DLC1: variants seen among roughly 807,000 people sequenced by gnomAD.
DLC1 encodes the protein rho GTPase-activating protein 7.
Under a neutral mutation model 140.3 loss-of-function variants are expected in DLC1, and 54 were observed. That is an observed-to-expected ratio of 0.38 (90% CI 0.31 to 0.48). The LOEUF (loss-of-function observed/expected upper bound fraction) is 0.48. Among genes scored for constraint, DLC1 ranks in the 20% least tolerant of loss-of-function variants. DLC1 has a pLI of 0.96. For missense variants in DLC1, 2,536 were observed against 1,907.0 expected, an observed-to-expected ratio of 1.33 and a Z score of -6.14; for synonymous variants, 986 against 728.1, an observed-to-expected ratio of 1.35 and a Z score of -5.70.
intron 5 of DLC1, among the ~76,000 whole-genome samples, chr8:13,294,024 G>A (rs1831856327): frequency 6.6e-6 from 1 of 152,190 alleles, no homozygotes. Context: ...GTTTTGTGGA[G>A]TAGAACCAAT....
At chr8:13,518,665 G>A (rs906573695), upstream of DLC1, among the ~76,000 whole-genome samples, 1 of 152,126 alleles carries the variant, frequency 6.6e-6, no homozygotes. Flanking sequence ...GATATTATGC[G>A]TGGAAGTCAG....
At chr8:13,312,386 A>AAAAAAAAAAAAAAATAAT (rs71207139) in intron 4 of DLC1, among the ~76,000 whole-genome samples, 28 of 81,700 alleles carry the variant, frequency 3.4e-4, no homozygotes, top group South Asian at 9.1e-4. Flanking sequence ...AAAAAAAAAA[A>AAAAAAAAAAAAAAATAAT]AATAATTTCT....
chr8:13,249,020 A>T (rs73543903), intron 5 of DLC1, among the ~76,000 whole-genome samples: 35,604 of 152,008 alleles, frequency 0.23, 4,347 homozygotes, highest in South Asian at 0.34. Flanking sequence ...TAGACTCCTC[A>T]CTTTCCATTC....
chr8:13,367,262 A>G (rs1671410), intron 4 of DLC1, among the ~76,000 whole-genome samples: 102,387 of 152,028 alleles, frequency 0.67, 35,123 homozygotes, highest in East Asian at 0.83. Context: ...TGCAGGGTTT[A>G]TAACTCAGGA....
intron 4 of DLC1, among the ~76,000 whole-genome samples, chr8:13,329,739 C>G (rs754102219): frequency 6.6e-6 from 1 of 152,046 alleles, no homozygotes; most frequent in Non-Finnish European, 1.5e-5. Context: ...GAATGTCATG[C>G]CCTGTTTCTC....
intron 2 of DLC1, among the ~76,000 whole-genome samples, chr8:13,453,420 A>ATTTTTTTTTTTTTTTTTTT (rs1218533007): frequency 2.2e-4 from 5 of 22,710 alleles, no homozygotes; most frequent in Admixed American, 5.0e-4. Context: ...ATATATATAT[A>ATTTTTTTTTTTTTTTTTTT]TATGTGTATA....
At chr8:13,374,193 G>A (rs1671419) in intron 4 of DLC1, among the ~76,000 whole-genome samples, 77,643 of 152,036 alleles carry the variant, frequency 0.51, 20,629 homozygotes, top group East Asian at 0.79. Context: ...GTCAGTGGCT[G>A]TGTAGTTTGC....
chr8:13,430,450 G>C (rs930015635), intron 2 of DLC1, among the ~76,000 whole-genome samples: 1 of 152,166 alleles, frequency 6.6e-6, no homozygotes. Flanking sequence ...TTTCATCTGT[G>C]ATGGTTGTCA....
At chr8:13,479,013 G>A (rs1407447345) in intron 2 of DLC1, among the ~76,000 whole-genome samples, 1 of 152,114 alleles carries the variant, frequency 6.6e-6, no homozygotes, top group Non-Finnish European at 1.5e-5. Context: ...TTCAGAAACA[G>A]CTTTTTCACC....
rs1266512754 is a variant in DLC1 at position 13,582,885 on chromosome 8, T to C, written c.-126+21652A>G. ...TTTACAATATACTGTGGTCTATATATATATATATATATATATATATATATA... is the reference window on the plus strand; with the variant it reads ...TTTACAATATACTGTGGTCTATATACATATATATATATATATATATATATA... On this transcript the variant is annotated intron_variant, in intron 1 of 1. Transcript: ENST00000631382. Among the ~76,000 whole-genome samples, 91 of 49,298 alleles carry C rather than the reference T, an allele frequency of 1.8e-3. 1 individual carries two copies. The highest frequency in any genetic ancestry group is 5.5e-3 in the South Asian group (6 of 1,092). 32.3% of individuals were successfully genotyped at this position (49,298 alleles called of 152,430 possible). A position where few individuals can be genotyped will look rare whatever the true frequency, so the allele number is the denominator to read the frequency against.
chr8:13,133,378 G>C lies in DLC1; in HGVS notation c.1349-17721C>G, dbSNP rs1445210695. The C allele has an allele frequency of 9.8e-6, 9 of 913,928 alleles. No homozygotes were observed. The African/African-American group carries it at 1.6e-4, about 16-fold the overall frequency. The allele number at this position is 913,928 out of a possible 1,614,324, so 56.6% of individuals were successfully genotyped here. A position where few individuals can be genotyped will look rare whatever the true frequency, so the allele number is the denominator to read the frequency against. ...GAGCGGGCGGCACCGCCTCCTCCCC[G>C]CTGTCTGGGTCGCAGGCCTTAGCGA... On this transcript the variant is annotated intron_variant, in intron 5 of 17. Transcript: ENST00000276297.
chr8:13,212,131 T>C (rs1268678573), intron 5 of DLC1, among the ~76,000 whole-genome samples: 2 of 152,200 alleles, frequency 1.3e-5, no homozygotes, highest in East Asian at 3.9e-4. Context: ...AGAATTTCTA[T>C]GTTAAGAAAT....
intron 5 of DLC1, among the ~76,000 whole-genome samples, chr8:13,170,686 C>T (rs368318280): frequency 0.02 from 2,914 of 147,748 alleles, 101 homozygotes; most frequent in African/African-American, 0.067. Flanking sequence ...GCCGAGATCG[C>T]GCCACTGCAC....
chr8:13,417,221 T>C (rs1265423093), intron 2 of DLC1, among the ~76,000 whole-genome samples: 2 of 152,194 alleles, frequency 1.3e-5, no homozygotes, highest in East Asian at 3.9e-4. Flanking sequence ...TTATTATTAT[T>C]ATTATACTTT....
At chr8:13,109,117 C>T (rs1405826188) in intron 7 of DLC1, among the ~76,000 whole-genome samples, 4 of 152,094 alleles carry the variant, frequency 2.6e-5, no homozygotes, top group East Asian at 1.9e-4. Flanking sequence ...ATCTATCTGC[C>T]CCAAACCACT....
At chr8:13,101,032 G>C in intron 8 of DLC1, 1 of 390,526 alleles carries the variant, frequency 2.6e-6, no homozygotes, top group Non-Finnish European at 4.5e-6. Flanking sequence ...TGCGGTGACA[G>C]GGATAAGCTA....
intron 1 of DLC1, among the ~76,000 whole-genome samples, chr8:13,582,228 A>G (rs1039708840): frequency 6.6e-6 from 1 of 152,216 alleles, no homozygotes; most frequent in African/African-American, 2.4e-5. Context: ...GGCAGTGAGA[A>G]AAAACAAAAC....
chr8:13,378,728 A>G (rs1016756747), intron 4 of DLC1, among the ~76,000 whole-genome samples: 1 of 152,174 alleles, frequency 6.6e-6, no homozygotes, highest in African/African-American at 2.4e-5. Context: ...GATGAACAGA[A>G]CTTCCGTTAT....
intron 5 of DLC1, among the ~76,000 whole-genome samples, chr8:13,189,769 C>G (rs1050858424): frequency 1.3e-5 from 2 of 152,048 alleles, no homozygotes; most frequent in South Asian, 4.1e-4. Flanking sequence ...GTAGTCCCAG[C>G]TACTCGGGAG....
Sources: gnomAD v4.1 joint callset for allele counts (sites outside exome capture counted in the v4.1 genomes callset) on GRCh38, gnomAD v4.1.1 for gene constraint, MANE v1.5 for transcripts, NCBI Gene and HGNC (gene_info 2026-07-23, HGNC 2026-07-21) for gene names.